Variants in ADAMTS17 observed in about 807,000 individuals in gnomAD.
ADAMTS17 encodes the protein A disintegrin and metalloproteinase with thrombospondin motifs 17.
ADAMTS17 carries 113 observed loss-of-function variants against 141.5 expected under a neutral mutation model. The observed-to-expected ratio is 0.80, with a 90% confidence interval of 0.69 to 0.93. The LOEUF is 0.93. Ranked by LOEUF, ADAMTS17 falls within the 40% of genes least tolerant of loss-of-function variation. The pLI is 0.00. For synonymous variants in ADAMTS17, 768 were observed against 630.6 expected (o/e 1.22, Z -3.27); for missense variants, 1,659 against 1,517.9 (o/e 1.09, Z -1.54).
intron 13 of ADAMTS17, among the ~76,000 whole-genome samples, chr15:100,110,797 A>G (rs970634614): frequency 6.6e-6 from 1 of 152,090 alleles, no homozygotes; most frequent in Non-Finnish European, 1.5e-5. Flanking sequence ...GGCCAGCAAG[A>G]GCAGGGACAG....
intron 8 of ADAMTS17, among the ~76,000 whole-genome samples, chr15:100,170,023 C>A (rs2040101055): frequency 6.6e-6 from 1 of 152,066 alleles, no homozygotes; most frequent in African/African-American, 2.4e-5. Flanking sequence ...CGAGACATTA[C>A]CTGTGCCTAC....
chr15:100,247,828 G>C (rs1413779374), intron 7 of ADAMTS17, among the ~76,000 whole-genome samples: 1 of 152,048 alleles, frequency 6.6e-6, no homozygotes, highest in Non-Finnish European at 1.5e-5. Context: ...GCCTGACACA[G>C]ATTTCCAAAA....
At chr15:100,268,911 G>C (rs1567460354) in intron 4 of ADAMTS17, among the ~76,000 whole-genome samples, 1 of 152,082 alleles carries the variant, frequency 6.6e-6, no homozygotes, top group Non-Finnish European at 1.5e-5. Flanking sequence ...AAAAAACATA[G>C]CACTTATACA....
At chr15:100,000,824 G>T (rs1341250087) in intron 18 of ADAMTS17, among the ~76,000 whole-genome samples, 1 of 151,982 alleles carries the variant, frequency 6.6e-6, no homozygotes, top group Non-Finnish European at 1.5e-5. Context: ...CAACCATACT[G>T]CTCCCCAGAA....
chr15:100,309,332 C>A (rs988492251), intron 3 of ADAMTS17, among the ~76,000 whole-genome samples: 1 of 152,216 alleles, frequency 6.6e-6, no homozygotes, highest in Non-Finnish European at 1.5e-5. Context: ...GCACTCCAGA[C>A]TGGGTGACAG....
intron 8 of ADAMTS17, among the ~76,000 whole-genome samples, chr15:100,192,390 C>T (rs2040952947): frequency 6.6e-6 from 1 of 152,198 alleles, no homozygotes; most frequent in Non-Finnish European, 1.5e-5. Context: ...GGGGAGGCAC[C>T]CCCTTTTCTG....
intron 7 of ADAMTS17, among the ~76,000 whole-genome samples, chr15:100,239,176 G>A (rs1480989214): frequency 2.0e-5 from 3 of 152,252 alleles, no homozygotes; most frequent in Admixed American, 6.5e-5. Flanking sequence ...CAAGCTGTGT[G>A]CCTTCGGGCA....
At position 100,252,143 on chromosome 15, in the gene ADAMTS17, T is replaced by G. The variant is rs2043174849; in HGVS notation, c.1075+1993A>C. 2.6e-5 allele frequency among the ~76,000 whole-genome samples: 4 copies of G among 152,146 alleles called. No individual in the cohort carries two copies. The South Asian group carries it at 8.3e-4, about 32-fold the overall frequency. On this transcript the variant is annotated intron_variant, in intron 7 of 21. Transcript: ENST00000268070. ...CCTGAACACAGGATATAATCACAAT[T>G]AATGGCATATTCCCATCAAAAGAGA...
At chr15:100,265,621 G>A (rs1362048908) in intron 4 of ADAMTS17, among the ~76,000 whole-genome samples, 1 of 152,176 alleles carries the variant, frequency 6.6e-6, no homozygotes, top group Admixed American at 6.5e-5. Context: ...GTGGTTGGAG[G>A]CACAAGGAGT....
chr15:100,055,702 G>A (rs905357895), intron 15 of ADAMTS17, among the ~76,000 whole-genome samples: 3 of 152,204 alleles, frequency 2.0e-5, no homozygotes, highest in Admixed American at 2.0e-4. Context: ...CTATGAAAAG[G>A]AGGTGAGAAT....
At chr15:100,287,684 C>T (rs2044492278) in intron 3 of ADAMTS17, among the ~76,000 whole-genome samples, 1 of 152,186 alleles carries the variant, frequency 6.6e-6, no homozygotes, top group Non-Finnish European at 1.5e-5. Context: ...AACAGCAGAC[C>T]TTTCAGCAGA....
chr15:100,262,197 G>A (rs553196979), intron 5 of ADAMTS17, among the ~76,000 whole-genome samples, 155 bp downstream of exon 5: 1 of 152,218 alleles, frequency 6.6e-6, no homozygotes, highest in South Asian at 2.1e-4. Flanking sequence ...CATGCTTCCG[G>A]TACTGATGCC....
Position 99,994,590 on chromosome 15 carries a change from G to A in ADAMTS17, c.2797-1390C>T, listed in dbSNP as rs868690563. Among the ~76,000 whole-genome samples the A allele has an allele frequency of 1.1e-4, 16 of 151,956 alleles. No individual in the cohort carries two copies. In the South Asian group the frequency reaches 1.9e-3, roughly 18 times the overall value. On this transcript the variant is annotated intron_variant, in intron 19 of 21. Coordinates refer to ENST00000268070, the MANE Select transcript of ADAMTS17 (RefSeq NM_139057.4). ...CTTTTTTTATTTTTTATTTTGAGAC[G>A]GAGTCTCGCTCTGTCACCCAGGCTG...
intron 8 of ADAMTS17, among the ~76,000 whole-genome samples, chr15:100,166,478 G>C (rs2039956618): frequency 1.3e-5 from 2 of 152,180 alleles, no homozygotes; most frequent in Non-Finnish European, 2.9e-5. Context: ...GACTGGAAAT[G>C]CTACTAATGT....
At chr15:100,098,534 G>A (rs560422611) in intron 14 of ADAMTS17, among the ~76,000 whole-genome samples, 46 of 152,068 alleles carry the variant, frequency 3.0e-4, no homozygotes, top group Non-Finnish European at 4.4e-4. Flanking sequence ...ATGGTGACAC[G>A]CACCTGTAGT....
At chr15:100,146,009 C>T (rs2038885473) in intron 10 of ADAMTS17, among the ~76,000 whole-genome samples, 1 of 152,158 alleles carries the variant, frequency 6.6e-6, no homozygotes, top group African/African-American at 2.4e-5. Flanking sequence ...CCCATCTCTA[C>T]TAAAAATACA....
intron 18 of ADAMTS17, among the ~76,000 whole-genome samples, chr15:100,002,152 C>CT (rs1318579264): frequency 2.0e-5 from 3 of 151,968 alleles, no homozygotes; most frequent in African/African-American, 7.3e-5. Flanking sequence ...TCCTGGGCTG[C>CT]TTTTTGTCTC....
chr15:100,072,580 C>T (rs2034056513), intron 15 of ADAMTS17, among the ~76,000 whole-genome samples: 1 of 152,090 alleles, frequency 6.6e-6, no homozygotes, highest in Non-Finnish European at 1.5e-5. Flanking sequence ...TGGAATAGAA[C>T]AGAGCCCTCA....
Position 100,209,140 on chromosome 15 carries a change from AAG to A in ADAMTS17, c.1076-9719_1076-9718del, listed in dbSNP as rs1306780348. Reference sequence around the variant, plus strand: ...AAAAAAAAAAAAAAAAAAAGGAAGAAAGAAAGAAAAGGATTCTCAAAACAAGT... The same window carrying A: ...AAAAAAAAAAAAAAAAAAAGGAAGAAAAAGAAAAGGATTCTCAAAACAAGT... On this transcript the variant is annotated intron_variant, in intron 7 of 21. Transcript: ENST00000268070. Among the ~76,000 whole-genome samples, 4 of 150,894 alleles carry A rather than the reference AAG, an allele frequency of 2.7e-5. No individual in the cohort carries two copies. The East Asian group carries it at 7.7e-4, about 29-fold the overall frequency.
Sources: gnomAD v4.1 joint callset for allele counts (sites outside exome capture counted in the v4.1 genomes callset) on GRCh38, gnomAD v4.1.1 for gene constraint, MANE v1.5 for transcripts, NCBI Gene and HGNC (gene_info 2026-07-23, HGNC 2026-07-21) for gene names.